Variants in SCAMP2 observed in about 807,000 individuals in gnomAD.
SCAMP2 encodes the protein secretory carrier membrane protein 2.
A neutral mutation model predicts 44.1 loss-of-function variants in SCAMP2; 25 were observed. The observed-to-expected ratio is 0.57, with a 90% CI of 0.41 to 0.79. SCAMP2 has a LOEUF of 0.79. Ranked by LOEUF, SCAMP2 falls within the 30% of genes least tolerant of loss-of-function variation. The pLI, the probability that SCAMP2 is intolerant of heterozygous loss-of-function variation, is 0.00. For missense variants in SCAMP2, 355 were observed against 411.0 expected (o/e 0.86, Z 1.18); for synonymous variants, 156 against 166.0 (o/e 0.94, Z 0.46).
At position 74,845,144 on chromosome 15, in the gene SCAMP2, C is replaced by G; in HGVS notation, c.929G>C (p.Ser310Thr). The G allele has an allele frequency of 6.2e-7, 1 of 1,614,026 alleles. No individual in the cohort carries two copies. Among genetic ancestry groups the G allele is most frequent in the Admixed American group, 1.7e-5 (1 of 60,022 alleles). ...AQEEFSQGIFSSRTFHRAASS... is the reference protein window; with the variant it reads ...AQEEFSQGIFTSRTFHRAASS... ...AGCAGCTCTGTGGAAGGTTCTGCTG[C>G]TGAAGATGCCCTGGGAAAACTCCTC... The change falls in exon 9 of 9, where the codon AGC becomes ACC. Residue 310 changes from serine to threonine, a missense_variant. By Grantham distance (58) the Ser-to-Thr change is moderately conservative. Transcript: ENST00000268099.
In SCAMP2 at chr15:74,861,984, T is replaced by C. The variant is rs527448408; in HGVS notation, c.58-7335A>G. Among the ~76,000 whole-genome samples the C allele has an allele frequency of 5.9e-4, 88 of 148,600 alleles. 1 individual carries two copies. Among genetic ancestry groups the C allele is most frequent in the Non-Finnish European group, 1.1e-3 (76 of 67,398 alleles). On this transcript the variant is annotated intron_variant, in intron 1 of 8. Transcript: ENST00000268099. The stretch of plus-strand genomic sequence containing the variant: ...ATACTAAATTATGGGCCAGGCCCGG[T>C]AGCTCATGCCTATAATCCCAACACT...
Position 74,845,098 on chromosome 15 carries a change from G to T in SCAMP2, c.975C>A (p.Ala325=). The T allele has an allele frequency of 3.7e-6, 6 of 1,613,758 alleles. No individual in the cohort carries two copies. The highest frequency in any genetic ancestry group is 5.1e-6 in the Non-Finnish European group (6 of 1,179,770). The change falls in exon 9 of 9, where the codon GCC becomes GCA. Residue 325 remains alanine (A), a synonymous_variant. Transcript: ENST00000268099. ...HRAASSAAQG[A]FQGN is the part of the protein sequence containing the mutation. Reference sequence around the variant, plus strand: ...GAGAGGAGGACTAATTCCCCTGGAAGGCTCCTTGGGCAGCAGATGAAGCAG... The same window carrying T: ...GAGAGGAGGACTAATTCCCCTGGAATGCTCCTTGGGCAGCAGATGAAGCAG...
At position 74,859,616 on chromosome 15, in the gene SCAMP2, C is replaced by CTTT. The variant is rs386383489; in HGVS notation, c.58-4970_58-4968dup. Among the ~76,000 whole-genome samples, 178 of 132,552 alleles carry CTTT rather than the reference C, an allele frequency of 1.3e-3. 7 individuals carry two copies. Among genetic ancestry groups the CTTT allele is most frequent in the Middle Eastern group, 3.9e-3 (1 of 256 alleles). The allele number at this position is 132,552 out of a possible 152,430, so 87.0% of individuals were successfully genotyped here. On this transcript the variant is annotated intron_variant, in intron 1 of 8. Transcript: ENST00000268099. ...CCCAGGAACGGCCATGAAAACCACA[C>CTTT]TTTTTTTTTTTTTTTTTTGAGATGG... is the stretch of plus-strand genomic sequence containing the variant.
rs977104785 is a variant in SCAMP2 at position 74,866,470 on chromosome 15, G to A, written c.57+6729C>T. Among the ~76,000 whole-genome samples the A allele has an allele frequency of 5.9e-5, 9 of 152,178 alleles. No individual in the cohort carries two copies. The South Asian group carries it at 1.7e-3, about 28-fold the overall frequency. The stretch of plus-strand genomic sequence containing the variant: ...TCACACCTGTAATCCTAGCATTCCG[G>A]GAGACCGAGGTGGGTGGATCACCTG... On this transcript the variant is annotated intron_variant, in intron 1 of 8. Transcript: ENST00000268099.
intron 1 of SCAMP2, among the ~76,000 whole-genome samples, chr15:74,858,813 T>TC (rs1462339228): frequency 7.1e-6 from 1 of 140,850 alleles, no homozygotes; most frequent in African/African-American, 2.7e-5. Flanking sequence ...GTTCTTTTTT[T>TC]TTTTTTTTTT....
chr15:74,870,252 A>T (rs78749825), intron 1 of SCAMP2, among the ~76,000 whole-genome samples: 1 of 152,128 alleles, frequency 6.6e-6, no homozygotes, highest in African/African-American at 2.4e-5. Context: ...CAGTTTGCAC[A>T]GTCATTTTTG....
intron 1 of SCAMP2, among the ~76,000 whole-genome samples, chr15:74,856,264 CT>C (rs34812536): frequency 0.13 from 7,853 of 60,282 alleles, 435 homozygotes; most frequent in East Asian, 0.36. Flanking sequence ...AGAGCCAGTT[CT>C]TTTTTTTTTT....
intron 7 of SCAMP2, among the ~76,000 whole-genome samples, chr15:74,847,249 G>A (rs1287738636): frequency 1.3e-5 from 2 of 151,940 alleles, no homozygotes; most frequent in Non-Finnish European, 2.9e-5. Flanking sequence ...CTACCAATGC[G>A]CCTGGCCAAT....
At chr15:74,871,701 G>A (rs960034863) in intron 1 of SCAMP2, among the ~76,000 whole-genome samples, 4 of 151,702 alleles carry the variant, frequency 2.6e-5, no homozygotes, top group East Asian at 1.9e-4. Context: ...GCAGTGAGCC[G>A]AGATCGCGCC....
intron 1 of SCAMP2, among the ~76,000 whole-genome samples, chr15:74,855,142 C>T (rs1402179093): frequency 2.6e-5 from 4 of 151,892 alleles, no homozygotes; most frequent in African/African-American, 7.3e-5. Context: ...CTTGCTCTGT[C>T]ACCCAGGCTG....
intron 6 of SCAMP2, among the ~76,000 whole-genome samples, 180 bp downstream of exon 6, chr15:74,850,334 G>C (rs16973048): frequency 0.022 from 3,381 of 152,234 alleles, 134 homozygotes; most frequent in African/African-American, 0.078. Context: ...CAGAAACTGA[G>C]GAACGGGGCC....
intron 1 of SCAMP2, among the ~76,000 whole-genome samples, chr15:74,871,783 C>G (rs542245641): frequency 6.0e-5 from 8 of 132,718 alleles, no homozygotes; most frequent in Middle Eastern, 6.4e-3. Flanking sequence ...GGTGGCTCAC[C>G]CCTGTAATCC....
intron 1 of SCAMP2, among the ~76,000 whole-genome samples, chr15:74,866,827 C>T (rs1332766042): frequency 2.0e-5 from 3 of 147,974 alleles, no homozygotes; most frequent in African/African-American, 7.5e-5. Flanking sequence ...GATGGAGTCT[C>T]GCTCTGTCAT....
chr15:74,865,747 G>A (rs2064537848), intron 1 of SCAMP2, among the ~76,000 whole-genome samples: 1 of 133,942 alleles, frequency 7.5e-6, no homozygotes. Flanking sequence ...CCAGGAGTTC[G>A]AGACTAGCCT....
At position 74,870,217 on chromosome 15, in the gene SCAMP2, T is replaced by C. The variant is rs184828416; in HGVS notation, c.57+2982A>G. Among the ~76,000 whole-genome samples the C allele has an allele frequency of 1.8e-3, 277 of 152,330 alleles. 2 individuals carry two copies. The highest frequency in any genetic ancestry group is 6.8e-3 in the Middle Eastern group (2 of 294). ...CTTCCTGATGGACAGACTGTCTCGCTAGAATGCAGAAGTTACTTCTACCAC... is the reference window on the plus strand; with the variant it reads ...CTTCCTGATGGACAGACTGTCTCGCCAGAATGCAGAAGTTACTTCTACCAC... On this transcript the variant is annotated intron_variant, in intron 1 of 8. Transcript: ENST00000268099.
chr15:74,858,688 G>C (rs2064482380), intron 1 of SCAMP2, among the ~76,000 whole-genome samples: 1 of 151,776 alleles, frequency 6.6e-6, no homozygotes, highest in African/African-American at 2.4e-5. Context: ...TACGGAGCCT[G>C]ACAAATTGAA....
At chr15:74,861,544 C>T (rs954761786) in intron 1 of SCAMP2, among the ~76,000 whole-genome samples, 1 of 152,166 alleles carries the variant, frequency 6.6e-6, no homozygotes, top group African/African-American at 2.4e-5. Flanking sequence ...TGGTACGCAT[C>T]CCCTTGAAGG....
intron 1 of SCAMP2, among the ~76,000 whole-genome samples, chr15:74,860,164 A>C (rs534139738): frequency 3.8e-4 from 58 of 152,288 alleles, no homozygotes; most frequent in Non-Finnish European, 6.0e-4. Context: ...TAATCCCTGC[A>C]CTTTGGGAGG....
intron 1 of SCAMP2, among the ~76,000 whole-genome samples, chr15:74,864,195 A>G (rs2064527050): frequency 6.6e-6 from 1 of 152,002 alleles, no homozygotes; most frequent in Non-Finnish European, 1.5e-5. Context: ...CTGAGTAGCT[A>G]GGATTACAGG....
Sources: gnomAD v4.1 joint callset for allele counts (sites outside exome capture counted in the v4.1 genomes callset) on GRCh38, gnomAD v4.1.1 for gene constraint, MANE v1.5 for transcripts, NCBI Gene and HGNC (gene_info 2026-07-23, HGNC 2026-07-21) for gene names.